Variants in MRTFB observed in about 807,000 individuals in gnomAD.
MRTFB encodes the protein myocardin related transcription factor B.
Under a neutral mutation model 104.2 loss-of-function variants are expected in MRTFB, and 29 were observed. The ratio of observed to expected loss-of-function variants is 0.28; its 90% CI spans 0.21 to 0.38. The LOEUF (loss-of-function observed/expected upper bound fraction) is 0.38, where lower values mean the gene tolerates loss of function less well. MRTFB is among the 10% of genes least tolerant of loss of function. The pLI is 1.00. For missense variants in MRTFB, 1,270 were observed against 1,341.6 expected, an observed-to-expected ratio of 0.95 and a Z score of 0.83; for synonymous variants, 535 against 519.5, an observed-to-expected ratio of 1.03 and a Z score of -0.41.
intron 3 of MRTFB, among the ~76,000 whole-genome samples, chr16:14,207,299 A>G (rs905200914): frequency 6.6e-6 from 1 of 152,214 alleles, no homozygotes; most frequent in Non-Finnish European, 1.5e-5. Flanking sequence ...GTTTGGCCAC[A>G]TAGAAAATGG....
chr16:14,260,814 T>C, intron 16 of MRTFB, 95 bp from the exon 17 acceptor site: 2 of 1,035,966 alleles, frequency 1.9e-6, no homozygotes, highest in South Asian at 3.3e-5. Context: ...ATAGAAGGAA[T>C]CGCATAATAG....
At chr16:14,160,288 G>C (rs1357675676) in intron 3 of MRTFB, among the ~76,000 whole-genome samples, 2 of 152,040 alleles carry the variant, frequency 1.3e-5, no homozygotes, top group African/African-American at 4.8e-5. Flanking sequence ...TTATTTTGCA[G>C]AATGACCCCA....
rs1423357616 is a variant in MRTFB, at chr16:14,247,338, G to A, written c.2078G>A (p.Ser693Asn). The A allele has an allele frequency of 6.2e-7, 1 of 1,614,120 alleles. No individual in the cohort carries two copies. The highest frequency in any genetic ancestry group is 8.5e-7 in the Non-Finnish European group (1 of 1,180,056). Residue 693 changes from serine (S) to asparagine (N), a missense_variant, in exon 12 of 17, where the codon AGT becomes AAT. Transcript: ENST00000571589. ...CCTGTGGGCCAGGCAGAGCAGCAGA[G>A]TGTCGTCTCGCAGTTTTATGTGAGT... ...EVPVGQAEQQ[S>N]VVSQFYVSSQ...
intron 2 of MRTFB, among the ~76,000 whole-genome samples, chr16:14,138,101 T>C (rs572842864): frequency 6.6e-6 from 1 of 152,172 alleles, no homozygotes; most frequent in Non-Finnish European, 1.5e-5. Context: ...TTACACTGTT[T>C]TCTTATGATG....
rs2043932842 is a variant in MRTFB, at chr16:14,265,927, A to C, written c.*4483A>C. The stretch of plus-strand genomic sequence containing the variant: ...CTAAGACAAAGCTTTAACAAAGTTT[A>C]TAGAATACTGAAACTCGTAACAATT... On this transcript the variant is annotated 3_prime_UTR_variant, in exon 17 of 17. Transcript: ENST00000571589. 6.6e-6 allele frequency: 1 copy of C among 152,274 alleles called. No individual in the cohort carries two copies. The highest frequency in any genetic ancestry group is 1.5e-5 in the Non-Finnish European group (1 of 68,046). 9.4% of individuals were successfully genotyped at this position (152,274 alleles called of 1,614,324 possible).
intron 3 of MRTFB, among the ~76,000 whole-genome samples, chr16:14,147,197 A>G (rs1597071363): frequency 6.6e-6 from 1 of 152,340 alleles, no homozygotes; most frequent in South Asian, 2.1e-4. Context: ...CTCTGTGAAT[A>G]TAATTTTCCT....
chr16:14,141,938 A>C, intron 3 of MRTFB: 1 of 150,612 alleles, frequency 6.6e-6, no homozygotes, highest in Non-Finnish European at 1.5e-5. Context: ...TCTTAGGTTC[A>C]AGTGATTCTC....
the MRTFB span, among the ~76,000 whole-genome samples, chr16:14,041,050 G>GT: frequency 6.6e-6 from 1 of 152,070 alleles, no homozygotes; most frequent in Non-Finnish European, 1.5e-5. Flanking sequence ...TGAAGATCTT[G>GT]TGAGCCCAGG....
intron 3 of MRTFB, among the ~76,000 whole-genome samples, chr16:14,183,993 G>A (rs1038616309): frequency 2.7e-5 from 4 of 146,556 alleles, no homozygotes; most frequent in Non-Finnish European, 3.0e-5. Flanking sequence ...GTGTAGTTGT[G>A]CATCTACTGA....
chr16:14,256,979 C>T (rs78080161), intron 15 of MRTFB, among the ~76,000 whole-genome samples: 2,985 of 152,260 alleles, frequency 0.02, 113 homozygotes, highest in African/African-American at 0.068. Context: ...CAGATAAGCA[C>T]TTGAAGAGAT....
At chr16:14,161,472 A>G (rs908554423) in intron 3 of MRTFB, among the ~76,000 whole-genome samples, 53 of 152,368 alleles carry the variant, frequency 3.5e-4, no homozygotes, top group African/African-American at 1.2e-3. Flanking sequence ...AAATCCAACT[A>G]TAAAAGATAA....
chr16:14,129,464 C>G (rs919194979), intron 2 of MRTFB, among the ~76,000 whole-genome samples: 2 of 152,208 alleles, frequency 1.3e-5, no homozygotes, highest in African/African-American at 4.8e-5. Flanking sequence ...AGTTGATGAA[C>G]ATTTAATGTT....
At chr16:14,212,504 T>C (rs920193934) in intron 5 of MRTFB, 95 bp downstream of exon 5, 10 of 1,088,096 alleles carry the variant, frequency 9.2e-6, no homozygotes, top group Admixed American at 2.0e-5. Context: ...CTCCTAAATA[T>C]GTCAATAGAG....
At chr16:14,085,602 A>G (rs2034661479) in intron 2 of MRTFB, among the ~76,000 whole-genome samples, 1 of 152,136 alleles carries the variant, frequency 6.6e-6, no homozygotes, top group South Asian at 2.1e-4. Context: ...CAAGTAGTAC[A>G]ACTGGTATTT....
rs538270856 is a variant in MRTFB at position 14,175,677 on chromosome 16, C to T, written c.155-34566C>T. The stretch of plus-strand genomic sequence containing the variant: ...TTAATAGACAAATGTTCATAACAGA[C>T]TTATTCATAGTAGCTCAAAGTTGAA... On this transcript the variant is annotated intron_variant, in intron 3 of 16. Transcript: ENST00000571589. Among the ~76,000 whole-genome samples, 17 of 152,168 alleles carry T rather than the reference C, an allele frequency of 1.1e-4. No homozygotes were observed. In the South Asian group the frequency reaches 2.5e-3, roughly 22 times the overall value.
chr16:14,125,710 T>C lies in MRTFB; in HGVS notation c.-63-14834T>C, dbSNP rs187603894. Among the ~76,000 whole-genome samples the C allele has an allele frequency of 6.9e-4, 105 of 152,348 alleles. 2 individuals are homozygous for C. Among genetic ancestry groups the C allele is most frequent in the African/African-American group, 2.2e-3 (92 of 41,588 alleles). The stretch of plus-strand genomic sequence containing the variant: ...GTAGTTGCTTTTCTTATTTGGCAAA[T>C]GGGTTTTTGTACTTTACGTCTGTCT... On this transcript the variant is annotated intron_variant, in intron 2 of 16. Coordinates refer to ENST00000571589, the MANE Select transcript of MRTFB (RefSeq NM_001308142.2).
chr16:14,257,904 G>A (rs1356361740), intron 15 of MRTFB, among the ~76,000 whole-genome samples, 197 bp from the exon 16 acceptor site: 1 of 152,164 alleles, frequency 6.6e-6, no homozygotes, highest in Non-Finnish European at 1.5e-5. Flanking sequence ...GTACTAACTA[G>A]CCCTGTTCTT....
At chr16:14,097,617 T>G (rs2035458877) in intron 2 of MRTFB, among the ~76,000 whole-genome samples, 1 of 152,188 alleles carries the variant, frequency 6.6e-6, no homozygotes, top group East Asian at 1.9e-4. Flanking sequence ...ACATTTAAAG[T>G]GTACAATTTA....
At chr16:14,024,167 T>C in the MRTFB span, among the ~76,000 whole-genome samples, 173 of 152,344 alleles carry the variant, frequency 1.1e-3, no homozygotes, top group Non-Finnish European at 2.0e-3. Context: ...CAGCCCTTCT[T>C]ACCATTTGCA....
Sources: allele counts gnomAD v4.1 joint callset (sites outside exome capture counted in the v4.1 genomes callset), GRCh38; gene constraint gnomAD v4.1.1; transcripts MANE v1.5; gene names NCBI Gene and HGNC (gene_info 2026-07-23, HGNC 2026-07-21).